The following PCDHGA3 variants were observed in gnomAD, a reference collection of about 807,000 sequenced individuals.
PCDHGA3 encodes protocadherin gamma subfamily A, 3, also known as protocadherin gamma-A3.
In PCDHGA3, 40 loss-of-function variants were observed where a neutral mutation model predicts 58.5. The observed-to-expected ratio is 0.68, with a 90% confidence interval of 0.53 to 0.89. The LOEUF is 0.89. Ranked by LOEUF, PCDHGA3 falls within the 40% of genes least tolerant of loss-of-function variation. The pLI, the probability that PCDHGA3 is intolerant of heterozygous loss-of-function variation, is 0.00. For synonymous variants in PCDHGA3, 530 were observed against 525.7 expected, an observed-to-expected ratio of 1.01 and a Z score of -0.11; for missense variants, 1,223 against 1,195.9, an observed-to-expected ratio of 1.02 and a Z score of -0.33.
intron 1 of PCDHGA3, among the ~76,000 whole-genome samples, chr5:141,402,740 C>A (rs2094301178): frequency 6.6e-6 from 1 of 152,146 alleles, no homozygotes; most frequent in Non-Finnish European, 1.5e-5. Context: ...CGCTGTTGAT[C>A]AACTCTAAGC....
intron 1 of PCDHGA3, chr5:141,409,410 A>G (rs1465791228): frequency 6.2e-7 from 1 of 1,614,036 alleles, no homozygotes; most frequent in African/African-American, 1.3e-5. Flanking sequence ...AACTACTACA[A>G]ACTGGTGACA....
chr5:141,355,444 G>C, intron 1 of PCDHGA3: 1 of 1,614,058 alleles, frequency 6.2e-7, no homozygotes, highest in Non-Finnish European at 8.5e-7. Flanking sequence ...CCCGCGCAGC[G>C]GCACCTTGGT....
intron 1 of PCDHGA3, chr5:141,415,906 A>C (rs2154546200): frequency 1.3e-6 from 1 of 784,990 alleles, no homozygotes; most frequent in East Asian, 3.5e-5. Context: ...ACAGACTTCC[A>C]TACAGAAGTG....
chr5:141,357,609 C>T (rs1760674283), intron 1 of PCDHGA3: 1 of 1,613,778 alleles, frequency 6.2e-7, no homozygotes, highest in Non-Finnish European at 8.5e-7. Context: ...CAAAAGGAGA[C>T]CCTAATCTTC....
intron 1 of PCDHGA3, chr5:141,390,362 G>A: frequency 6.5e-7 from 1 of 1,533,010 alleles, no homozygotes. Flanking sequence ...ATATTTGCAG[G>A]AAAATATATA....
At chr5:141,466,624 G>C (rs1279938026) in intron 1 of PCDHGA3, among the ~76,000 whole-genome samples, 1 of 152,038 alleles carries the variant, frequency 6.6e-6, no homozygotes, top group Non-Finnish European at 1.5e-5. Context: ...GTTTTCTTTG[G>C]AGCATTGTCT....
In PCDHGA3 at chr5:141,371,791, C is replaced by G. The variant is rs758674133; in HGVS notation, c.2424+25334C>G. The stretch of plus-strand genomic sequence containing the variant: ...ACCGTGCATGTAGCTGAGAACAATC[C>G]GCCTGGAGCCTCCATTGCGCATGTC... On this transcript the variant is annotated intron_variant, in intron 1 of 3. Transcript: ENST00000253812. 6.2e-7 allele frequency: 1 copy of G among 1,613,938 alleles called. No homozygotes were observed. Among genetic ancestry groups the G allele is most frequent in the East Asian group, 2.2e-5 (1 of 44,884 alleles).
At chr5:141,399,148 C>T (rs2150776580) in intron 1 of PCDHGA3, 2 of 1,613,684 alleles carry the variant, frequency 1.2e-6, no homozygotes, top group Non-Finnish European at 1.7e-6. Context: ...TGACAATAGC[C>T]CAGAAGTTAC....
At chr5:141,360,252 G>A (rs1194495261) in intron 1 of PCDHGA3, 2 of 1,613,822 alleles carry the variant, frequency 1.2e-6, no homozygotes, top group Non-Finnish European at 1.7e-6. Flanking sequence ...CAATTCCAGA[G>A]GAGCTGGCCA....
At chr5:141,382,798 A>C in intron 1 of PCDHGA3, 2 of 1,017,066 alleles carry the variant, frequency 2.0e-6, no homozygotes, top group Admixed American at 2.4e-5. Context: ...ATCCTGCTGG[A>C]TTCTGAGCTC....
Position 141,431,151 on chromosome 5 carries a change from C to T in PCDHGA3, c.2425-63656C>T, listed in dbSNP as rs764416448. The T allele has an allele frequency of 6.2e-7, 1 of 1,614,126 alleles. No individual in the cohort carries two copies. Among genetic ancestry groups the T allele is most frequent in the African/African-American group, 1.3e-5 (1 of 74,954 alleles). On this transcript the variant is annotated intron_variant, in intron 1 of 3. Coordinates refer to ENST00000253812, the MANE Select transcript of PCDHGA3 (RefSeq NM_018916.4). The surrounding 1 kb of genome is among the most constrained non-coding windows in gnomAD (Gnocchi z 4.8). ...GTAAGGGACATTAACGACAATGCGC[C>T]TTACTTTCGTGAAAGTGAATTAGAA...
intron 1 of PCDHGA3, chr5:141,421,331 C>T: frequency 1.2e-6 from 2 of 1,613,856 alleles, no homozygotes; most frequent in East Asian, 2.2e-5. Flanking sequence ...ATCCGATATT[C>T]GGTGCCAGAA....
intron 1 of PCDHGA3, chr5:141,350,822 T>C: frequency 6.2e-7 from 1 of 1,614,012 alleles, no homozygotes; most frequent in Non-Finnish European, 8.5e-7. Context: ...TGGAAGTAAA[T>C]ATCCGGTATT....
intron 3 of PCDHGA3, among the ~76,000 whole-genome samples, chr5:141,510,244 G>A (rs549784078): frequency 6.6e-6 from 1 of 151,116 alleles, no homozygotes; most frequent in African/African-American, 2.4e-5. Flanking sequence ...CTGCACTCCA[G>A]GCTGGGCGAC....
At chr5:141,355,236 G>T (rs758078780) in intron 1 of PCDHGA3, 1 of 1,612,186 alleles carries the variant, frequency 6.2e-7, no homozygotes, top group Non-Finnish European at 8.5e-7. Flanking sequence ...ACCACACCCG[G>T]CTGCTCCAGA....
At chr5:141,398,844 C>A in intron 1 of PCDHGA3, 1 of 1,613,966 alleles carries the variant, frequency 6.2e-7, no homozygotes, top group Non-Finnish European at 8.5e-7. Context: ...ATGATAATCC[C>A]CCGGTATTCA....
At chr5:141,461,312 C>T (rs1318872213) in intron 1 of PCDHGA3, among the ~76,000 whole-genome samples, 1 of 152,064 alleles carries the variant, frequency 6.6e-6, no homozygotes, top group African/African-American at 2.4e-5. Flanking sequence ...TGTTTTTTGA[C>T]TTTTTAATAA....
intron 1 of PCDHGA3, among the ~76,000 whole-genome samples, chr5:141,449,891 A>G (rs2098658520): frequency 6.6e-6 from 1 of 151,872 alleles, no homozygotes; most frequent in Non-Finnish European, 1.5e-5. Flanking sequence ...CAATATAATT[A>G]TTTAGCCTAT....
In PCDHGA3 at chr5:141,485,869, G is replaced by A; in HGVS notation, c.2425-8938G>A. On this transcript the variant is annotated intron_variant, in intron 1 of 3. Coordinates refer to ENST00000253812, the MANE Select transcript of PCDHGA3 (RefSeq NM_018916.4). The surrounding 1 kb of genome is among the most constrained non-coding windows in gnomAD (Gnocchi z 5.7). ...GCACCGCAGAGCTCCGGGTATCCGT[G>A]CTGGACGTAAACGACAACGCCCCAG... is the stretch of plus-strand genomic sequence containing the variant. 1 of 1,614,176 alleles carries A rather than the reference G, an allele frequency of 6.2e-7. No individual in the cohort carries two copies. The highest frequency in any genetic ancestry group is 8.5e-7 in the Non-Finnish European group (1 of 1,180,040).
Sources: gnomAD v4.1 joint callset for allele counts (sites outside exome capture counted in the v4.1 genomes callset) on GRCh38, gnomAD v4.1.1 for gene constraint, Gnocchi (gnomAD v3.1) non-coding constraint, MANE v1.5 for transcripts, NCBI Gene and HGNC (gene_info 2026-07-23, HGNC 2026-07-21) for gene names.